Variants in FXN observed in about 807,000 individuals in gnomAD.
FXN encodes frataxin.
A neutral mutation model predicts 22.4 loss-of-function variants in FXN; 14 were observed. That is an observed-to-expected ratio of 0.62 (90% CI 0.41 to 0.98). The LOEUF (loss-of-function observed/expected upper bound fraction) is 0.98. Among genes scored for constraint, FXN ranks in the 50% least tolerant of loss-of-function variants. The pLI is 0.00. For synonymous variants in FXN, 120 were observed against 114.1 expected (o/e 1.05, Z -0.33); for missense variants, 267 against 268.4 (o/e 0.99, Z 0.04).
At chr9:69,064,118 G>C (rs1016570860) in intron 3 of FXN, among the ~76,000 whole-genome samples, 1 of 152,208 alleles carries the variant, frequency 6.6e-6, no homozygotes, top group African/African-American at 2.4e-5. Context: ...GGGAACAGCA[G>C]GCTTCCCCCT....
At chr9:69,067,128 G>A (rs1034667558) in intron 4 of FXN, among the ~76,000 whole-genome samples, 7 of 152,242 alleles carry the variant, frequency 4.6e-5, no homozygotes, top group Admixed American at 6.5e-5. Context: ...AGCTCCCAGC[G>A]GGGGATGGAG....
chr9:69,063,357 C>T (rs973673006), intron 3 of FXN, among the ~76,000 whole-genome samples: 2 of 152,126 alleles, frequency 1.3e-5, no homozygotes, highest in African/African-American at 4.8e-5. Flanking sequence ...ACTGAGTACT[C>T]TTTACTATGA....
chr9:69,078,620 C>T lies in FXN; in HGVS notation c.*5858C>T, dbSNP rs1308356387. The stretch of plus-strand genomic sequence containing the variant: ...TCTACATATAATTATGCTTTTCTAC[C>T]CCCTCACACTCAACACTTTGACTCC... On this transcript the variant is annotated 3_prime_UTR_variant, in exon 5 of 5. Transcript: ENST00000484259. 1 of 985,552 alleles carries T rather than the reference C, an allele frequency of 1.0e-6. No individual in the cohort carries two copies. Among genetic ancestry groups the T allele is most frequent in the Non-Finnish European group, 1.2e-6 (1 of 829,958 alleles). 61.1% of individuals were successfully genotyped at this position (985,552 alleles called of 1,614,324 possible). A position where few individuals can be genotyped will look rare whatever the true frequency, so the allele number is the denominator to read the frequency against.
At chr9:69,063,018 C>T (rs1254183514) in intron 3 of FXN, among the ~76,000 whole-genome samples, 2 of 151,966 alleles carry the variant, frequency 1.3e-5, no homozygotes, top group East Asian at 1.9e-4. Context: ...GTCAATATAG[C>T]GAGACCTCAT....
rs1435120915 is a variant in FXN at position 69,035,965 on chromosome 9, G to A, written c.165+18G>A. The A allele has an allele frequency of 1.2e-5, 18 of 1,450,422 alleles. No homozygotes were observed. Among genetic ancestry groups the A allele is most frequent in the Non-Finnish European group, 1.5e-5 (17 of 1,105,282 alleles). The allele number at this position is 1,450,422 out of a possible 1,614,324, so 89.8% of individuals were successfully genotyped here. A position where few individuals can be genotyped will look rare whatever the true frequency, so the allele number is the denominator to read the frequency against. Reference sequence around the variant, plus strand: ...GCCGCGCAGTAAGTATCCGCGCCGGGAACAGCCGCGGGCCGCACGCCGCGG... The same window carrying A: ...GCCGCGCAGTAAGTATCCGCGCCGGAAACAGCCGCGGGCCGCACGCCGCGG... On this transcript the variant is annotated intron_variant, in intron 1 of 4. Coordinates refer to ENST00000484259, the MANE Select transcript of FXN (RefSeq NM_000144.5).
chr9:69,056,910 T>C (rs1257270841), intron 3 of FXN, among the ~76,000 whole-genome samples: 1 of 141,670 alleles, frequency 7.1e-6, no homozygotes, highest in African/African-American at 2.5e-5. Flanking sequence ...GCCTGGCTAA[T>C]TTTTTTATAT....
intron 4 of FXN, among the ~76,000 whole-genome samples, chr9:69,068,886 A>G (rs1460716911): frequency 1.3e-5 from 2 of 152,200 alleles, no homozygotes; most frequent in Admixed American, 6.5e-5. Flanking sequence ...CTGAAAAAGC[A>G]TGAAAAGCAG....
intron 4 of FXN, among the ~76,000 whole-genome samples, chr9:69,066,963 G>C (rs1832177212): frequency 6.6e-6 from 1 of 152,138 alleles, no homozygotes; most frequent in Non-Finnish European, 1.5e-5. Flanking sequence ...GAGACCACAG[G>C]CTCCCCGGTC....
intron 4 of FXN, among the ~76,000 whole-genome samples, chr9:69,070,767 ATCTT>A (rs1233637015): frequency 6.6e-6 from 1 of 151,256 alleles, no homozygotes; most frequent in Non-Finnish European, 1.5e-5. Flanking sequence ...GGTTCAAAAT[ATCTT>A]TCATCTGGCT....
chr9:69,067,914 C>T (rs753639569), intron 4 of FXN, among the ~76,000 whole-genome samples: 12 of 152,174 alleles, frequency 7.9e-5, no homozygotes, highest in Non-Finnish European at 1.8e-4. Context: ...GTGACATGTC[C>T]TAAGTCAGAA....
intron 3 of FXN, among the ~76,000 whole-genome samples, chr9:69,054,086 C>T (rs1182408499): frequency 2.6e-5 from 4 of 152,058 alleles, no homozygotes; most frequent in Non-Finnish European, 5.9e-5. Context: ...CTCACTGCTC[C>T]GCTTCCTGGG....
At chr9:69,071,412 T>G (rs1413400531) in intron 4 of FXN, among the ~76,000 whole-genome samples, 8 of 152,154 alleles carry the variant, frequency 5.3e-5, no homozygotes, top group Admixed American at 5.2e-4. Flanking sequence ...CCTCCTTGAG[T>G]GCTCAGGCAG....
In FXN at chr9:69,077,006, C is replaced by T; in HGVS notation, c.*4244C>T. 1 of 712,588 alleles carries T rather than the reference C, an allele frequency of 1.4e-6. No homozygotes were observed. Among genetic ancestry groups the T allele is most frequent in the Non-Finnish European group, 1.7e-6 (1 of 581,126 alleles). The allele number at this position is 712,588 out of a possible 1,614,324, so 44.1% of individuals were successfully genotyped here. A position where few individuals can be genotyped will look rare whatever the true frequency, so the allele number is the denominator to read the frequency against. On this transcript the variant is annotated 3_prime_UTR_variant, in exon 5 of 5. Transcript: ENST00000484259. ...CTGGGCTCACTACAACCTCCGCCTC[C>T]TGGGTTCAAGCAATTCTCTGCCTCA...
intron 1 of FXN, among the ~76,000 whole-genome samples, chr9:69,044,140 G>A (rs1002262746): frequency 1.3e-5 from 2 of 152,170 alleles, no homozygotes; most frequent in Non-Finnish European, 2.9e-5. Flanking sequence ...AGGGTACCTA[G>A]CCTTGTATTT....
chr9:69,066,994 C>T (rs1832178241), intron 4 of FXN, among the ~76,000 whole-genome samples: 1 of 152,230 alleles, frequency 6.6e-6, no homozygotes, highest in African/African-American at 2.4e-5. Flanking sequence ...CCCTCCCCTT[C>T]CTGCGCCGTT....
intron 2 of FXN, among the ~76,000 whole-genome samples, chr9:69,052,149 AT>A (rs34185166): frequency 0.038 from 5,474 of 143,976 alleles, 255 homozygotes; most frequent in African/African-American, 0.11. Context: ...GGCCCAGCCT[AT>A]TTTTTTTTTT....
At position 69,078,785 on chromosome 9, in the gene FXN, T is replaced by C; in HGVS notation, c.*6023T>C. ...GTAGATTCTACCCTGAAAAATGTTC[T>C]TGGCACAGCCTTGCAAACTCCTCCT... On this transcript the variant is annotated 3_prime_UTR_variant, in exon 5 of 5. Transcript: ENST00000484259. 1 of 985,644 alleles carries C rather than the reference T, an allele frequency of 1.0e-6. No individual in the cohort carries two copies. Among genetic ancestry groups the C allele is most frequent in the African/African-American group, 1.7e-5 (1 of 57,348 alleles). 61.1% of individuals were successfully genotyped at this position (985,644 alleles called of 1,614,324 possible). A position where few individuals can be genotyped will look rare whatever the true frequency, so the allele number is the denominator to read the frequency against.
chr9:69,052,988 C>CATAGATGGATGGATGGATGGATGGATGGA, intron 2 of FXN, 152 bp from the exon 3 acceptor site: 4 of 798,192 alleles, frequency 5.0e-6, no homozygotes, highest in Admixed American at 6.8e-5. Flanking sequence ...GAGACTCTGT[C>CATAGATGGATGGATGGATGGATGGATGGA]TCAAAAAAAA....
intron 2 of FXN, among the ~76,000 whole-genome samples, chr9:69,050,024 G>A (rs888262232): frequency 1.3e-5 from 2 of 152,112 alleles, no homozygotes; most frequent in African/African-American, 4.8e-5. Flanking sequence ...CTCACTTCTA[G>A]TCATTAACCC....
Sources: gnomAD v4.1 joint callset for allele counts (sites outside exome capture counted in the v4.1 genomes callset) on GRCh38, gnomAD v4.1.1 for gene constraint, MANE v1.5 for transcripts, NCBI Gene and HGNC (gene_info 2026-07-23, HGNC 2026-07-21) for gene names.